Variants in TREML2 observed in about 807,000 individuals in gnomAD.
TREML2 encodes the protein trem-like transcript 2 protein.
Under a neutral mutation model 25.9 loss-of-function variants are expected in TREML2, and 24 were observed. That is an observed-to-expected ratio of 0.93 (90% CI 0.67 to 1.30). The LOEUF (loss-of-function observed/expected upper bound fraction) is 1.30, where lower values mean the gene tolerates loss of function less well. Ranked by LOEUF, TREML2 falls within the 50% of genes most tolerant of loss-of-function variation. The pLI, the probability that TREML2 is intolerant of heterozygous loss-of-function variation, is 0.00. For missense variants in TREML2, 359 were observed against 395.6 expected (o/e 0.91, Z 0.78); for synonymous variants, 139 against 155.2 (o/e 0.90, Z 0.77).
intron 2 of TREML2, among the ~76,000 whole-genome samples, chr6:41,197,170 C>G (rs1354564179): frequency 6.6e-6 from 1 of 152,220 alleles, no homozygotes; most frequent in Non-Finnish European, 1.5e-5. Context: ...GTACTCCAGG[C>G]CACTGTTGTT....
In TREML2 at chr6:41,198,183, C is replaced by T. The variant is rs1456625385; in HGVS notation, c.302G>A (p.Gly101Asp). 6.2e-7 allele frequency: 1 copy of T among 1,614,100 alleles called. No homozygotes were observed. Among genetic ancestry groups the T allele is most frequent in the African/African-American group, 1.3e-5 (1 of 74,930 alleles). ...TMVALKLQDSGRYWCMRNTSG... is the reference protein window; with the variant it reads ...TMVALKLQDSDRYWCMRNTSG... ...GGTGTTGCGCATGCACCAGTATCGG[C>T]CTGAGTCCTGGAGCTTGAGGGCCAC... The change falls in exon 2 of 5, where the codon GGC becomes GAC. Residue 101 changes from glycine to aspartate, a missense_variant. By Grantham distance (94) the Gly-to-Asp change is moderately conservative (BLOSUM62 -1). Transcript: ENST00000483722.
rs1243922522 is a variant in TREML2, at chr6:41,192,502, G to A, written c.891C>T (p.Tyr297=). 2 of 1,613,776 alleles carry A rather than the reference G, an allele frequency of 1.2e-6. No individual in the cohort carries two copies. Among genetic ancestry groups the A allele is most frequent in the Admixed American group, 3.3e-5 (2 of 59,966 alleles). The change falls in exon 5 of 5, where the codon TAC becomes TAT. Residue 297 remains tyrosine (Y), a synonymous_variant. Coordinates refer to ENST00000483722, the MANE Select transcript of TREML2 (RefSeq NM_024807.4). ...GTGTAGAAGGATCGCTGCACATGCT[G>A]TAGCCTGCAAGAAACAGGGAGAGCT... The part of the protein sequence containing the change: ...GFWKKRHMAS[Y]SMCSDPSTRD...
Position 41,191,169 on chromosome 6 carries a change from CTGTGTGTG to C in TREML2, c.*1250_*1257del, listed in dbSNP as rs1179546033. The C allele has an allele frequency of 0.046, 5,358 of 117,268 alleles. 96 individuals are homozygous for C. Among genetic ancestry groups the C allele is most frequent in the African/African-American group, 0.05 (1,496 of 29,684 alleles). 7.3% of individuals were successfully genotyped at this position (117,268 alleles called of 1,614,324 possible). A position where few individuals can be genotyped will look rare whatever the true frequency, so the allele number is the denominator to read the frequency against. ...CCAGTCACTCCAGGTCAGTAGACAC[CTGTGTGTG>C]TGTGTGTGTGTGTGTGTGTGTGTGT... On this transcript the variant is annotated 3_prime_UTR_variant, in exon 5 of 5. Coordinates refer to ENST00000483722, the MANE Select transcript of TREML2 (RefSeq NM_024807.4).
Position 41,194,769 on chromosome 6 carries a change from G to T in TREML2, c.441C>A (p.Val147=), listed in dbSNP as rs1223559507. ...HLDNILKSGT[V]TTGQAPTSGP... ...CTGAGGTAGGGGCTTGGCCAGTTGTGACAGTTCCACTCTTGAGGATGTTGT... is the reference window on the plus strand; with the variant it reads ...CTGAGGTAGGGGCTTGGCCAGTTGTTACAGTTCCACTCTTGAGGATGTTGT... Residue 147 remains valine, a synonymous_variant, in exon 3 of 5, where the codon GTC becomes GTA. Transcript: ENST00000483722. The T allele has an allele frequency of 6.2e-7, 1 of 1,611,790 alleles. No individual in the cohort carries two copies. Among genetic ancestry groups the T allele is most frequent in the Non-Finnish European group, 8.5e-7 (1 of 1,178,858 alleles).
chr6:41,198,249 A>G lies in TREML2; in HGVS notation c.236T>C (p.Leu79Pro), dbSNP rs776098592. The G allele has an allele frequency of 6.2e-7, 1 of 1,614,268 alleles. No homozygotes were observed. The highest frequency in any genetic ancestry group is 1.1e-5 in the South Asian group (1 of 91,088). ...CACCTTGGCCTGGGCATCGTCCTGC[A>G]GCAAGTAGCGGGGCCCTTTCACCCA... ...RVWVKGPRYLLQDDAQAKVVN... is the reference protein window; with the variant it reads ...RVWVKGPRYLPQDDAQAKVVN... Residue 79 changes from leucine to proline, a missense_variant, in exon 2 of 5, where the codon CTG becomes CCG. Physicochemically the swap from Leu to Pro is moderately conservative, Grantham distance 98. Coordinates refer to ENST00000483722, the MANE Select transcript of TREML2 (RefSeq NM_024807.4).
intron 2 of TREML2, among the ~76,000 whole-genome samples, chr6:41,196,247 G>A (rs776529177): frequency 3.3e-5 from 5 of 152,156 alleles, no homozygotes; most frequent in Non-Finnish European, 5.9e-5. Flanking sequence ...AACCAGTTTC[G>A]ACTTCCCTGG....
Position 41,194,678 on chromosome 6 carries a change from G to T in TREML2, c.532C>A (p.Leu178Ile). The T allele has an allele frequency of 1.2e-6, 2 of 1,614,126 alleles. No homozygotes were observed. The highest frequency in any genetic ancestry group is 1.7e-6 in the Non-Finnish European group (2 of 1,180,008). ...FTPGLITLPR[L>I]LASTRPASKT... ...GAGGCAGGTCTGGTGGAGGCTAAGA[G>T]CCTAGGCAAGGTGATGAGTCCTGGG... The change falls in exon 3 of 5, where the codon CTC becomes ATC. Residue 178 changes from leucine (L) to isoleucine (I), a missense_variant. Transcript: ENST00000483722.
chr6:41,195,344 A>G (rs1766143323), intron 2 of TREML2, among the ~76,000 whole-genome samples: 1 of 152,048 alleles, frequency 6.6e-6, no homozygotes, highest in African/African-American at 2.4e-5. Context: ...GTCCTGCTAC[A>G]CTCACCCATC....
At position 41,191,214 on chromosome 6, in the gene TREML2, TG is replaced by T. The variant is rs1766055114; in HGVS notation, c.*1212del. 6.3e-6 allele frequency: 1 copy of T among 158,014 alleles called. No individual in the cohort carries two copies. The highest frequency in any genetic ancestry group is 2.4e-5 in the African/African-American group (1 of 41,152). The allele number at this position is 158,014 out of a possible 1,614,324, so 9.8% of individuals were successfully genotyped here. On this transcript the variant is annotated 3_prime_UTR_variant, in exon 5 of 5. Coordinates refer to ENST00000483722, the MANE Select transcript of TREML2 (RefSeq NM_024807.4). ...GTGTGTGTGTGTGTGTGTGTGTGTG[TG>T]TGTGTGTAGGGGAATCCAGGCTGCA... is the stretch of plus-strand genomic sequence containing the variant.
At position 41,194,526 on chromosome 6, in the gene TREML2, G is replaced by A. The variant is rs763925087; in HGVS notation, c.684C>T (p.Ile228=). The change falls in exon 3 of 5, where the codon ATC becomes ATT. Residue 228 remains isoleucine (I), a synonymous_variant. Transcript: ENST00000483722. ...ARDSSAGPES[I]STKSGDLSTR... ...TGCTGAGGTCCCCAGACTTAGTGGA[G>A]ATGGATTCTGGGCCAGCAGAGGAGT... The A allele has an allele frequency of 6.2e-7, 1 of 1,613,996 alleles. No homozygotes were observed.
intron 1 of TREML2, among the ~76,000 whole-genome samples, chr6:41,199,972 A>G (rs1232184947): frequency 6.6e-6 from 1 of 152,258 alleles, no homozygotes; most frequent in African/African-American, 2.4e-5. Flanking sequence ...CACACAGTGC[A>G]TGCTCAACTC....
At chr6:41,192,705 C>T in intron 4 of TREML2, 96 bp downstream of exon 4, 1 of 1,276,450 alleles carries the variant, frequency 7.8e-7, no homozygotes, top group Non-Finnish European at 1.1e-6. Flanking sequence ...TGGACACAGG[C>T]CAAGGGCCAT....
intron 2 of TREML2, among the ~76,000 whole-genome samples, chr6:41,197,776 C>T (rs1266706418): frequency 6.6e-6 from 1 of 152,156 alleles, no homozygotes; most frequent in African/African-American, 2.4e-5. Context: ...TAGAATAGTG[C>T]CTGCCCCATA....
intron 1 of TREML2, among the ~76,000 whole-genome samples, chr6:41,199,419 A>T (rs1270295716): frequency 6.6e-6 from 1 of 152,266 alleles, no homozygotes; most frequent in Non-Finnish European, 1.5e-5. Context: ...TAAAACCCAT[A>T]GATCAAGCCT....
At chr6:41,192,745 T>C in intron 4 of TREML2, 56 bp downstream of exon 4, 2 of 1,489,814 alleles carry the variant, frequency 1.3e-6, no homozygotes, top group Non-Finnish European at 1.9e-6. Flanking sequence ...TCATAACCCT[T>C]AGTGCAGTTA....
rs926813077 is a variant in TREML2 at position 41,189,964 on chromosome 6, C to G, written c.*2463G>C. On this transcript the variant is annotated 3_prime_UTR_variant, in exon 5 of 5. Coordinates refer to ENST00000483722, the MANE Select transcript of TREML2 (RefSeq NM_024807.4). ...GGGCCCTTGGCTTGAGTTACTTACT[C>G]CATATTGCTTTGTTCCCCTTACTGC... is the stretch of plus-strand genomic sequence containing the variant. Among the ~76,000 whole-genome samples, 1 of 152,136 alleles carries G rather than the reference C, an allele frequency of 6.6e-6. No homozygotes were observed. The highest frequency in any genetic ancestry group is 2.4e-5 in the African/African-American group (1 of 41,410).
At chr6:41,194,351 A>G (rs1250460594) in intron 3 of TREML2, 74 bp downstream of exon 3, 2 of 1,416,786 alleles carry the variant, frequency 1.4e-6, no homozygotes, top group Non-Finnish European at 1.9e-6. Flanking sequence ...GGAAGGTCAG[A>G]TATAAGACTT....
rs1476990763 is a variant in TREML2 at position 41,192,850 on chromosome 6, C to G, written c.837G>C (p.Val279=). The G allele has an allele frequency of 6.2e-7, 1 of 1,609,228 alleles. No homozygotes were observed. Residue 279 remains valine (V), a synonymous_variant, in exon 4 of 5, where the codon GTG becomes GTC. Transcript: ENST00000483722. The stretch of plus-strand genomic sequence containing the variant: ...ACCCATAGACCATGATCAGCATCAG[C>G]ACCAGGAGGGTCAGCACCACCCCAA... The part of the protein sequence containing the change: ...TVLGVVLTLL[V]LMLIMVYGFW...
chr6:41,200,116 A>C (rs1362790602), intron 1 of TREML2, among the ~76,000 whole-genome samples: 2 of 152,266 alleles, frequency 1.3e-5, no homozygotes, highest in Non-Finnish European at 2.9e-5. Context: ...CCCAGCCAGC[A>C]GCCACTAGAG....
Sources: gnomAD v4.1 joint callset for allele counts (sites outside exome capture counted in the v4.1 genomes callset) on GRCh38, gnomAD v4.1.1 for gene constraint, MANE v1.5 for transcripts, NCBI Gene and HGNC (gene_info 2026-07-23, HGNC 2026-07-21) for gene names.